The following MAP7D1 variants were observed in gnomAD, a reference collection of about 807,000 sequenced individuals.
The protein encoded by MAP7D1 is MAP7 domain-containing protein 1.
A neutral mutation model predicts 97.5 loss-of-function variants in MAP7D1; 30 were observed. The ratio of observed to expected loss-of-function variants is 0.31; its 90% CI spans 0.23 to 0.42. The LOEUF (loss-of-function observed/expected upper bound fraction) is 0.42. Among genes scored for constraint, MAP7D1 ranks in the 10% least tolerant of loss-of-function variants. MAP7D1 has a pLI of 1.00. For missense variants in MAP7D1, 1,184 were observed against 1,179.5 expected (o/e 1.00, Z -0.06); for synonymous variants, 536 against 477.1 (o/e 1.12, Z -1.61).
chr1:36,171,757 AC>A, intron 3 of MAP7D1, 176 bp downstream of exon 3: 1 of 516,938 alleles, frequency 1.9e-6, no homozygotes, highest in Non-Finnish European at 3.5e-6. Context: ...ATGTGGAGAA[AC>A]CCTGTCTCTA....
At chr1:36,164,201 G>A (rs1644447494) in intron 1 of MAP7D1, among the ~76,000 whole-genome samples, 1 of 152,124 alleles carries the variant, frequency 6.6e-6, no homozygotes. Context: ...CACTTTATTT[G>A]TGTTATACTG....
chr1:36,171,266 G>A lies in MAP7D1; in HGVS notation c.342G>A (p.Gln114=). Reference sequence around the variant, plus strand: ...CCAGACCTCCTCGAAGGAGCAGCCAGCCATCTCCAACAGCAGTGCCAGCCT... The same window carrying A: ...CCAGACCTCCTCGAAGGAGCAGCCAACCATCTCCAACAGCAGTGCCAGCCT... ...RDARPPRRSS[Q]PSPTAVPASD... is the part of the protein sequence containing the mutation. Residue 114 remains glutamine (Q), a synonymous_variant, in exon 2 of 17, where the codon CAG becomes CAA. Coordinates refer to ENST00000474796, the MANE Select transcript of MAP7D1 (RefSeq NM_001388490.1). The A allele has an allele frequency of 6.3e-7, 1 of 1,592,292 alleles. No homozygotes were observed. Among genetic ancestry groups the A allele is most frequent in the East Asian group, 2.2e-5 (1 of 44,714 alleles).
At chr1:36,165,457 TC>T (rs1644462218) in intron 1 of MAP7D1, among the ~76,000 whole-genome samples, 2 of 151,076 alleles carry the variant, frequency 1.3e-5, no homozygotes, top group East Asian at 1.9e-4. Context: ...TTCTTTTTTT[TC>T]TTTTTCTTTT....
Position 36,179,751 on chromosome 1 carries a change from G to A in MAP7D1, c.2313G>A (p.Gln771=). Residue 771 remains glutamine (Q), a synonymous_variant, in exon 15 of 17, where the codon CAG becomes CAA. Transcript: ENST00000474796. ...QKEEPIPQEP[Q]WSLPSKELPA... The stretch of plus-strand genomic sequence containing the variant: ...AGGAGCCCATCCCACAGGAGCCTCA[G>A]TGGAGGTACCAGCTTCCAATCCCAG... The A allele has an allele frequency of 1.3e-6, 2 of 1,529,382 alleles. No homozygotes were observed. Among genetic ancestry groups the A allele is most frequent in the Non-Finnish European group, 1.8e-6 (2 of 1,140,728 alleles). The allele number at this position is 1,529,382 out of a possible 1,614,324, so 94.7% of individuals were successfully genotyped here.
chr1:36,167,176 C>G (rs1260867695), intron 1 of MAP7D1, among the ~76,000 whole-genome samples: 3 of 152,142 alleles, frequency 2.0e-5, no homozygotes, highest in Non-Finnish European at 1.5e-5. Context: ...AAATGAGGTC[C>G]TCCACTCAGC....
chr1:36,168,914 A>G (rs949614149), intron 1 of MAP7D1, among the ~76,000 whole-genome samples: 4 of 152,058 alleles, frequency 2.6e-5, no homozygotes, highest in Admixed American at 2.0e-4. Flanking sequence ...GTCCTCATCT[A>G]TATGAGGACT....
chr1:36,179,195 C>T, intron 12 of MAP7D1, 67 bp from the exon 13 acceptor site: 2 of 1,580,712 alleles, frequency 1.3e-6, no homozygotes, highest in East Asian at 2.2e-5. Flanking sequence ...GAGGCCGGGT[C>T]TGGCTGGTGG....
At position 36,178,026 on chromosome 1, in the gene MAP7D1, G is replaced by A; in HGVS notation, c.1533G>A (p.Lys511=). 5 of 1,613,656 alleles carry A rather than the reference G, an allele frequency of 3.1e-6. No individual in the cohort carries two copies. In the South Asian group the frequency reaches 4.4e-5, roughly 14 times the overall value. The change falls in exon 9 of 17, where the codon AAG becomes AAA. Residue 511 remains lysine, a synonymous_variant. Coordinates refer to ENST00000474796, the MANE Select transcript of MAP7D1 (RefSeq NM_001388490.1). Reference sequence around the variant, plus strand: ...CCCCCAAGGGGCGGGTTCGGAGGAAGGAGGAGGCAAAGGAGAGCCCCAGCG... The same window carrying A: ...CCCCCAAGGGGCGGGTTCGGAGGAAAGAGGAGGCAAAGGAGAGCCCCAGCG... ...TASPKGRVRR[K]EEAKESPSAA...
rs1428047647 is a variant in MAP7D1 at position 36,178,024 on chromosome 1, AAGG to A, written c.1538_1540del (p.Glu513del). ...ATCCCCCAAGGGGCGGGTTCGGAGG[AAGG>A]AGGAGGCAAAGGAGAGCCCCAGCGC... On this transcript the variant is annotated inframe_deletion, in exon 9 of 17. Transcript: ENST00000474796. 3 of 1,613,446 alleles carry A rather than the reference AAGG, an allele frequency of 1.9e-6. No individual in the cohort carries two copies. The highest frequency in any genetic ancestry group is 1.3e-5 in the African/African-American group (1 of 74,874).
chr1:36,171,386 GAA>G (rs1644541213), intron 2 of MAP7D1, 71 bp downstream of exon 2: 2 of 1,542,442 alleles, frequency 1.3e-6, no homozygotes, highest in East Asian at 2.3e-5. Context: ...CATGCCAACT[GAA>G]AGAGTCCTGT....
At chr1:36,156,563 C>A in intron 1 of MAP7D1, 100 bp downstream of exon 1, 1 of 980,162 alleles carries the variant, frequency 1.0e-6, no homozygotes, top group South Asian at 2.4e-5. Context: ...CCCTCCGCTG[C>A]CGCGCCCTCT....
At chr1:36,169,328 G>A (rs1439132990) in intron 1 of MAP7D1, among the ~76,000 whole-genome samples, 2 of 151,456 alleles carry the variant, frequency 1.3e-5, no homozygotes, top group African/African-American at 4.8e-5. Context: ...AGGCTGAGGC[G>A]GGCGGATCAT....
At chr1:36,177,781 TG>T in intron 8 of MAP7D1, 91 bp from the exon 9 acceptor site, 3 of 1,180,960 alleles carry the variant, frequency 2.5e-6, no homozygotes, top group Non-Finnish European at 1.1e-6. Flanking sequence ...TGATGTAGCC[TG>T]GGGGAGGGGG....
intron 1 of MAP7D1, among the ~76,000 whole-genome samples, chr1:36,160,917 A>G (rs2124201361): frequency 6.6e-6 from 1 of 152,376 alleles, no homozygotes; most frequent in South Asian, 2.1e-4. Context: ...CTGGGGGGGC[A>G]TCTCCAGGCC....
At position 36,158,888 on chromosome 1, in the gene MAP7D1, T is replaced by G. The variant is rs147466894; in HGVS notation, c.46+2425T>G. Among the ~76,000 whole-genome samples, 15 of 152,238 alleles carry G rather than the reference T, an allele frequency of 9.9e-5. No homozygotes were observed. In the East Asian group the frequency reaches 2.9e-3, roughly 29 times the overall value. ...TGTGACCTCAGTAAGTTGCTTAACC[T>G]AAGTCTTAAGTTTGCTCATCTGTAA... On this transcript the variant is annotated intron_variant, in intron 1 of 16. Coordinates refer to ENST00000474796, the MANE Select transcript of MAP7D1 (RefSeq NM_001388490.1).
At chr1:36,178,391 T>C (rs749153685) in intron 9 of MAP7D1, 28 bp from the exon 10 acceptor site, 4 of 1,599,586 alleles carry the variant, frequency 2.5e-6, no homozygotes, top group Non-Finnish European at 3.4e-6. Context: ...GTGGGTGTGC[T>C]GACGCCTGAT....
At chr1:36,157,657 C>A (rs1644355766) in intron 1 of MAP7D1, among the ~76,000 whole-genome samples, 1 of 152,184 alleles carries the variant, frequency 6.6e-6, no homozygotes, top group Non-Finnish European at 1.5e-5. Flanking sequence ...GAGTCCTGAG[C>A]CTAATCCTGT....
Position 36,179,045 on chromosome 1 carries a change from G to C in MAP7D1, c.2130+20G>C. On this transcript the variant is annotated intron_variant, in intron 12 of 16. Coordinates refer to ENST00000474796, the MANE Select transcript of MAP7D1 (RefSeq NM_001388490.1). ...AGAAAGGTGTGCGGACCTGGGCGGG[G>C]ATTTGTGGGCGGGGCCTGGGCAGGG... 1 of 622,736 alleles carries C rather than the reference G, an allele frequency of 1.6e-6. No homozygotes were observed. Among genetic ancestry groups the C allele is most frequent in the South Asian group, 1.5e-5 (1 of 66,730 alleles). 38.6% of individuals were successfully genotyped at this position (622,736 alleles called of 1,614,324 possible).
chr1:36,177,106 G>A (rs996253896), intron 8 of MAP7D1, among the ~76,000 whole-genome samples: 2 of 151,870 alleles, frequency 1.3e-5, no homozygotes, highest in East Asian at 1.9e-4. Context: ...GCGCCACCAC[G>A]CTCGGCTAAT....
Sources: allele counts gnomAD v4.1 joint callset (sites outside exome capture counted in the v4.1 genomes callset), GRCh38; gene constraint gnomAD v4.1.1; transcripts MANE v1.5; gene names NCBI Gene and HGNC (gene_info 2026-07-23, HGNC 2026-07-21).